The following LPP variants were observed in gnomAD, a reference collection of about 807,000 sequenced individuals.
LPP encodes lipoma-preferred partner.
LPP carries 38 observed loss-of-function variants against 60.4 expected under a neutral mutation model. The observed-to-expected ratio is 0.63, with a 90% confidence interval of 0.49 to 0.83. LPP has a LOEUF of 0.83. Ranked by LOEUF, LPP falls within the 40% of genes least tolerant of loss-of-function variation. The pLI, the probability that LPP is intolerant of heterozygous loss-of-function variation, is 0.00. For missense variants in LPP, 902 were observed against 783.6 expected (o/e 1.15, Z -1.80); for synonymous variants, 328 against 290.8 (o/e 1.13, Z -1.30).
chr3:188,291,860 T>C (rs998615412), intron 2 of LPP, among the ~76,000 whole-genome samples: 3 of 152,172 alleles, frequency 2.0e-5, no homozygotes, highest in African/African-American at 7.2e-5. Context: ...AAAGCAGTTC[T>C]GGATGCAAAC....
chr3:188,722,098 T>G (rs781311290), intron 8 of LPP, among the ~76,000 whole-genome samples: 13 of 152,176 alleles, frequency 8.5e-5, no homozygotes, highest in Non-Finnish European at 1.3e-4. Flanking sequence ...CTAGATCACT[T>G]TATGCTCTGC....
intron 2 of LPP, among the ~76,000 whole-genome samples, chr3:188,288,222 G>C (rs1345416850): frequency 1.3e-5 from 2 of 152,138 alleles, no homozygotes; most frequent in Non-Finnish European, 2.9e-5. Flanking sequence ...TTCCTTTGCC[G>C]AAAGCAGGCT....
intron 2 of LPP, 94 bp from the exon 3 acceptor site, chr3:188,341,569 C>T: frequency 3.2e-6 from 1 of 314,110 alleles, no homozygotes; most frequent in Non-Finnish European, 4.6e-6. Context: ...AACAAGAAAC[C>T]ATTATGTAGA....
intron 6 of LPP, among the ~76,000 whole-genome samples, chr3:188,586,147 TTTG>T (rs1837387860): frequency 6.6e-6 from 1 of 152,232 alleles, no homozygotes; most frequent in African/African-American, 2.4e-5. Context: ...AAAATATTCT[TTTG>T]TTGTTTTTAT....
chr3:188,635,514 A>G (rs1848564802), intron 7 of LPP, among the ~76,000 whole-genome samples: 1 of 152,196 alleles, frequency 6.6e-6, no homozygotes. Flanking sequence ...ACCATGTGAG[A>G]AATGAACGTG....
rs1213229732 is a variant in LPP, at chr3:188,335,967, G to A, written c.-66-5696G>A. On this transcript the variant is annotated intron_variant, in intron 2 of 11. Coordinates refer to ENST00000617246, the MANE Select transcript of LPP (RefSeq NM_001375462.1). ...TGTTTCTGAATAGATGCAGTGATAG[G>A]GTCTCCATGCAGCTTCTAAAGCTAC... Among the ~76,000 whole-genome samples, 4 of 152,186 alleles carry A rather than the reference G, an allele frequency of 2.6e-5. No homozygotes were observed. In the East Asian group the frequency reaches 7.7e-4, roughly 29 times the overall value.
At chr3:188,362,512 C>A (rs544037228) in intron 3 of LPP, among the ~76,000 whole-genome samples, 2 of 152,178 alleles carry the variant, frequency 1.3e-5, no homozygotes, top group African/African-American at 4.8e-5. Context: ...TTTCCTGATA[C>A]TTTTACATCC....
chr3:188,801,516 G>C (rs1210563112), intron 9 of LPP, among the ~76,000 whole-genome samples: 1 of 152,134 alleles, frequency 6.6e-6, no homozygotes, highest in African/African-American at 2.4e-5. Context: ...GCATTTATCT[G>C]AGAACTCCTC....
At position 188,884,335 on chromosome 3, in the gene LPP, T is replaced by C. The variant is rs1770413126; in HGVS notation, c.*9856T>C. 4.3e-6 allele frequency: 1 copy of C among 230,522 alleles called. No individual in the cohort carries two copies. The highest frequency in any genetic ancestry group is 8.6e-6 in the Non-Finnish European group (1 of 116,500). The allele number at this position is 230,522 out of a possible 1,614,324, so 14.3% of individuals were successfully genotyped here. A position where few individuals can be genotyped will look rare whatever the true frequency, so the allele number is the denominator to read the frequency against. ...GCTGAGAACACCTTAGAGGACAATA[T>C]CGACTTCTTACAGACTACCAAGCCC... On this transcript the variant is annotated 3_prime_UTR_variant, in exon 12 of 12. Coordinates refer to ENST00000617246, the MANE Select transcript of LPP (RefSeq NM_001375462.1).
At chr3:188,280,813 T>G (rs1307339004) in intron 2 of LPP, among the ~76,000 whole-genome samples, 1 of 152,154 alleles carries the variant, frequency 6.6e-6, no homozygotes, top group African/African-American at 2.4e-5. Flanking sequence ...TTGTCTGGAT[T>G]TAAATCCAGA....
intron 4 of LPP, among the ~76,000 whole-genome samples, chr3:188,433,866 A>G (rs1266624671): frequency 1.3e-5 from 2 of 152,134 alleles, no homozygotes; most frequent in Non-Finnish European, 1.5e-5. Context: ...TTTTTTTAAA[A>G]TTTTTATTTC....
At chr3:188,574,232 T>A (rs1196751601) in intron 6 of LPP, among the ~76,000 whole-genome samples, 1 of 152,168 alleles carries the variant, frequency 6.6e-6, no homozygotes, top group African/African-American at 2.4e-5. Flanking sequence ...ATAATAACCG[T>A]CTGGGTGACT....
intron 1 of LPP, among the ~76,000 whole-genome samples, chr3:188,169,186 C>T (rs1720861799): frequency 6.6e-6 from 1 of 152,174 alleles, no homozygotes; most frequent in Non-Finnish European, 1.5e-5. Context: ...TTTCGTTTTT[C>T]AAAAGGTATT....
chr3:188,386,279 C>A (rs1449429353), intron 3 of LPP, among the ~76,000 whole-genome samples: 3 of 145,920 alleles, frequency 2.1e-5, no homozygotes, highest in African/African-American at 7.8e-5. Flanking sequence ...CACACACACA[C>A]ACACACACAC....
intron 2 of LPP, among the ~76,000 whole-genome samples, chr3:188,299,431 C>G (rs890683978): frequency 6.6e-6 from 1 of 152,180 alleles, no homozygotes; most frequent in South Asian, 2.1e-4. Context: ...CTCAGCATTA[C>G]GTCGTCTTAA....
chr3:188,205,277 CTTTTTTTTTT>C (rs34713244), intron 1 of LPP, among the ~76,000 whole-genome samples: 1 of 103,418 alleles, frequency 9.7e-6, no homozygotes, highest in African/African-American at 3.7e-5. Context: ...AGATTATAAT[CTTTTTTTTTT>C]TTTTTTTTTT....
intron 8 of LPP, among the ~76,000 whole-genome samples, chr3:188,747,078 C>T (rs1439749338): frequency 6.6e-6 from 1 of 152,138 alleles, no homozygotes; most frequent in Non-Finnish European, 1.5e-5. Flanking sequence ...AAAAGGGAGT[C>T]ACAGAGAGAA....
At chr3:188,261,516 T>TAA (rs1299496025) in intron 2 of LPP, among the ~76,000 whole-genome samples, 1 of 152,246 alleles carries the variant, frequency 6.6e-6, no homozygotes, top group Non-Finnish European at 1.5e-5. Context: ...TGTCATCTTT[T>TAA]AAATAGCTAT....
chr3:188,545,209 C>G (rs1233273197), intron 6 of LPP, among the ~76,000 whole-genome samples: 3 of 132,824 alleles, frequency 2.3e-5, no homozygotes, highest in Non-Finnish European at 4.7e-5. Context: ...ACATATGTAA[C>G]TAACCTGCAC....
Sources: allele counts gnomAD v4.1 joint callset (sites outside exome capture counted in the v4.1 genomes callset), GRCh38; gene constraint gnomAD v4.1.1; transcripts MANE v1.5; gene names NCBI Gene and HGNC (gene_info 2026-07-23, HGNC 2026-07-21).